Variants in EYS observed in about 807,000 individuals in gnomAD.
EYS encodes EGF-like photoreceptor maintenance factor, also known as protein eyes shut homolog.
In EYS, 250 loss-of-function variants were observed where a neutral mutation model predicts 282.1. The observed-to-expected ratio is 0.89, with a 90% CI of 0.80 to 0.98. The LOEUF is 0.98. Ranked by LOEUF, EYS falls within the 50% of genes least tolerant of loss-of-function variation. The pLI is 0.00. For synonymous variants in EYS, 1,355 were observed against 1,282.9 expected, an observed-to-expected ratio of 1.06 and a Z score of -1.20; for missense variants, 4,016 against 3,709.0, an observed-to-expected ratio of 1.08 and a Z score of -2.15.
At chr6:65,553,421 G>A (rs943669400) in intron 2 of EYS, among the ~76,000 whole-genome samples, 1 of 152,136 alleles carries the variant, frequency 6.6e-6, no homozygotes, top group Non-Finnish European at 1.5e-5. Flanking sequence ...AGGAAGCTAT[G>A]TCCAGCATCT....
intron 2 of EYS, among the ~76,000 whole-genome samples, chr6:65,534,001 G>C (rs1767878840): frequency 6.6e-6 from 1 of 151,744 alleles, no homozygotes; most frequent in African/African-American, 2.4e-5. Context: ...TAGTCATCCT[G>C]GTGTCTGTGC....
At chr6:64,000,369 T>C (rs962886478) in intron 33 of EYS, among the ~76,000 whole-genome samples, 3 of 150,932 alleles carry the variant, frequency 2.0e-5, no homozygotes, top group Admixed American at 6.6e-5. Flanking sequence ...TTTTTTTTTG[T>C]ATTTTTAGTA....
chr6:65,028,829 G>A (rs1772507741), intron 13 of EYS, among the ~76,000 whole-genome samples: 1 of 151,908 alleles, frequency 6.6e-6, no homozygotes, highest in African/African-American at 2.4e-5. Context: ...TCACCCACTA[G>A]TTTAGCAATC....
chr6:65,399,610 G>A (rs181189171), intron 7 of EYS, among the ~76,000 whole-genome samples: 51 of 152,074 alleles, frequency 3.4e-4, no homozygotes, highest in African/African-American at 1.1e-3. Flanking sequence ...AATTGAGTGA[G>A]CAATAAAACT....
chr6:65,618,362 T>A (rs1766304517), intron 2 of EYS, among the ~76,000 whole-genome samples: 1 of 152,260 alleles, frequency 6.6e-6, no homozygotes, highest in Non-Finnish European at 1.5e-5. Context: ...TTTTGAGAAG[T>A]GTCTGTTCAT....
intron 37 of EYS, among the ~76,000 whole-genome samples, chr6:63,801,197 G>T (rs747215377): frequency 1.3e-5 from 2 of 152,146 alleles, no homozygotes; most frequent in Non-Finnish European, 2.9e-5. Flanking sequence ...TGACTGAGCG[G>T]AGAGACTAGA....
chr6:64,550,216 T>C (rs902590020), intron 26 of EYS, among the ~76,000 whole-genome samples: 4 of 152,218 alleles, frequency 2.6e-5, no homozygotes, highest in Non-Finnish European at 5.9e-5. Flanking sequence ...TGTGTCTTTA[T>C]AGCAGCATGA....
chr6:64,907,862 A>T (rs566399979), intron 16 of EYS, among the ~76,000 whole-genome samples: 121 of 152,086 alleles, frequency 8.0e-4, no homozygotes, highest in African/African-American at 2.8e-3. Flanking sequence ...TGAGATAATG[A>T]TTTTCTCACA....
chr6:65,429,783 C>T (rs1183097426), intron 5 of EYS, among the ~76,000 whole-genome samples: 1 of 151,518 alleles, frequency 6.6e-6, no homozygotes, highest in African/African-American at 2.4e-5. Flanking sequence ...CAAATAATTT[C>T]AGGCTAATGA....
intron 2 of EYS, among the ~76,000 whole-genome samples, chr6:65,571,846 T>C (rs746840671): frequency 6.6e-6 from 1 of 151,954 alleles, no homozygotes; most frequent in Admixed American, 6.6e-5. Flanking sequence ...GGATATAGGG[T>C]TTAATACATT....
intron 35 of EYS, among the ~76,000 whole-genome samples, chr6:63,912,272 C>G (rs72872866): frequency 0.011 from 1,712 of 152,216 alleles, 16 homozygotes; most frequent in Middle Eastern, 0.017. Context: ...ACCCTGATGG[C>G]TTTGTTTAGT....
chr6:64,849,177 A>G (rs1397068868), intron 19 of EYS, among the ~76,000 whole-genome samples: 3 of 152,006 alleles, frequency 2.0e-5, no homozygotes, highest in Non-Finnish European at 4.4e-5. Context: ...GAGAAAATGT[A>G]TTAGCATTCA....
intron 12 of EYS, among the ~76,000 whole-genome samples, chr6:65,082,017 T>C (rs1395314746): frequency 6.6e-6 from 1 of 152,110 alleles, no homozygotes; most frequent in African/African-American, 2.4e-5. Context: ...CAATTTCTAC[T>C]GATCTCTAAG....
At chr6:65,390,917 T>A (rs920002371) in intron 7 of EYS, among the ~76,000 whole-genome samples, 1 of 151,780 alleles carries the variant, frequency 6.6e-6, no homozygotes, top group Non-Finnish European at 1.5e-5. Flanking sequence ...AAAAAATACA[T>A]TGTGGATACT....
intron 2 of EYS, among the ~76,000 whole-genome samples, chr6:65,550,149 T>TTTTTTTTTTC: frequency 7.0e-5 from 1 of 14,388 alleles, no homozygotes. Flanking sequence ...ATATCTTTTT[T>TTTTTTTTTTC]TTTTTTTTTT....
intron 28 of EYS, among the ~76,000 whole-genome samples, chr6:64,410,313 A>G (rs1773845591): frequency 6.6e-6 from 1 of 152,178 alleles, no homozygotes; most frequent in Non-Finnish European, 1.5e-5. Flanking sequence ...AATGAGAGTG[A>G]ATCCTCAAAA....
intron 41 of EYS, among the ~76,000 whole-genome samples, chr6:63,752,812 A>C (rs559178697): frequency 1.3e-5 from 2 of 152,106 alleles, no homozygotes; most frequent in South Asian, 2.1e-4. Context: ...CTTTTCTTAA[A>C]TTGAAGTTTG....
intron 22 of EYS, among the ~76,000 whole-genome samples, chr6:64,725,977 T>A (rs928791247): frequency 6.6e-6 from 1 of 152,146 alleles, no homozygotes; most frequent in African/African-American, 2.4e-5. Flanking sequence ...TAAACAAAAG[T>A]GTTTCAACAT....
chr6:64,565,001 T>G (rs1009078805), intron 26 of EYS, among the ~76,000 whole-genome samples: 1 of 152,196 alleles, frequency 6.6e-6, no homozygotes, highest in Non-Finnish European at 1.5e-5. Context: ...ATTCAGATCC[T>G]TTGCGTAAAT....
Sources: gnomAD v4.1 joint callset for allele counts (sites outside exome capture counted in the v4.1 genomes callset) on GRCh38, gnomAD v4.1.1 for gene constraint, MANE v1.5 for transcripts, NCBI Gene and HGNC (gene_info 2026-07-23, HGNC 2026-07-21) for gene names.